Variants in TENM2 observed in about 807,000 individuals in gnomAD.
The protein encoded by TENM2 is teneurin transmembrane protein 2, also known as teneurin-2.
TENM2 carries 52 observed loss-of-function variants against 245.2 expected under a neutral mutation model. That is an observed-to-expected ratio of 0.21 (90% CI 0.17 to 0.27). TENM2 has a LOEUF of 0.27. Ranked by LOEUF, TENM2 falls within the 10% of genes least tolerant of loss-of-function variation. TENM2 has a pLI of 1.00. For missense variants in TENM2, 3,046 were observed against 3,666.8 expected (o/e 0.83, Z 4.37); for synonymous variants, 1,363 against 1,438.9 (o/e 0.95, Z 1.19).
chr5:168,188,415 G>A (rs529638385), intron 13 of TENM2, among the ~76,000 whole-genome samples: 1 of 152,206 alleles, frequency 6.6e-6, no homozygotes, highest in African/African-American at 2.4e-5. Flanking sequence ...TCCCAGCCGA[G>A]TGAATAAGGA....
At chr5:167,510,417 G>C (rs766638052) in intron 2 of TENM2, among the ~76,000 whole-genome samples, 1 of 152,198 alleles carries the variant, frequency 6.6e-6, no homozygotes. Context: ...GCACCCATTT[G>C]TAGAGCTCAC....
the TENM2 span, among the ~76,000 whole-genome samples, chr5:167,112,089 A>C: frequency 2.0e-5 from 3 of 152,170 alleles, no homozygotes; most frequent in Admixed American, 2.0e-4. Flanking sequence ...TTGACAGTGA[A>C]CTTGCAGGGC....
intron 3 of TENM2, among the ~76,000 whole-genome samples, chr5:167,900,745 C>T (rs534554462): frequency 5.3e-5 from 8 of 151,688 alleles, no homozygotes; most frequent in Non-Finnish European, 1.2e-4. Context: ...GAAAGACTGT[C>T]TGAAATAGGT....
At chr5:167,871,322 G>C (rs1772807284) in intron 2 of TENM2, among the ~76,000 whole-genome samples, 1 of 152,154 alleles carries the variant, frequency 6.6e-6, no homozygotes, top group East Asian at 1.9e-4. Context: ...GCCAAATCCA[G>C]GGCTTCCTCA....
At chr5:167,293,258 A>T (rs764618193) in intron 1 of TENM2, among the ~76,000 whole-genome samples, 29 of 152,058 alleles carry the variant, frequency 1.9e-4, no homozygotes, top group African/African-American at 3.1e-4. Flanking sequence ...CTGGAGTGCA[A>T]TGGTGCAATC....
the TENM2 span, among the ~76,000 whole-genome samples, chr5:167,112,731 C>T: frequency 1.3e-3 from 202 of 152,282 alleles, 1 homozygote; most frequent in Middle Eastern, 6.8e-3. Context: ...TTGAATCTCA[C>T]GAATTGACAG....
At chr5:167,599,893 T>G (rs1776488054) in intron 2 of TENM2, among the ~76,000 whole-genome samples, 1 of 151,726 alleles carries the variant, frequency 6.6e-6, no homozygotes, top group Non-Finnish European at 1.5e-5. Flanking sequence ...ACACCTGCAG[T>G]CTCCCACTTT....
At chr5:168,258,264 G>A (rs139756433) in intron 27 of TENM2, among the ~76,000 whole-genome samples, 2,868 of 152,242 alleles carry the variant, frequency 0.019, 85 homozygotes, top group African/African-American at 0.064. Context: ...CACTTTGGGA[G>A]GCCGAGGCGG....
At chr5:167,170,130 T>G in the TENM2 span, among the ~76,000 whole-genome samples, 1,106 of 152,350 alleles carry the variant, frequency 7.3e-3, 15 homozygotes, top group African/African-American at 0.024. Flanking sequence ...TATGTCTTCT[T>G]TCTAGAGAAT....
chr5:168,039,236 C>T (rs1401802868), intron 5 of TENM2, among the ~76,000 whole-genome samples: 1 of 152,174 alleles, frequency 6.6e-6, no homozygotes, highest in Non-Finnish European at 1.5e-5. Context: ...GTGCCACGTG[C>T]AGCCTGCGTC....
At chr5:168,006,978 C>G (rs1042634958) in intron 5 of TENM2, among the ~76,000 whole-genome samples, 5 of 152,132 alleles carry the variant, frequency 3.3e-5, no homozygotes, top group Non-Finnish European at 4.4e-5. Context: ...TTTATTTTTA[C>G]TCACCTCTGC....
At chr5:167,206,136 A>G in the TENM2 span, among the ~76,000 whole-genome samples, 1 of 152,186 alleles carries the variant, frequency 6.6e-6, no homozygotes, top group Non-Finnish European at 1.5e-5. Context: ...AATCTTGCTT[A>G]CCACAGATCC....
In TENM2 at chr5:167,508,477, A is replaced by C. The variant is rs543462204; in HGVS notation, c.502+133004A>C. Among the ~76,000 whole-genome samples, 37 of 152,314 alleles carry C rather than the reference A, an allele frequency of 2.4e-4. No individual in the cohort carries two copies. In the South Asian group the frequency reaches 7.0e-3, roughly 29 times the overall value. On this transcript the variant is annotated intron_variant, in intron 2 of 28. Transcript: ENST00000518659. ...CAATTAAATTATAAACCAGATCCTG[A>C]TGGCTCCACATATTCACAGTCTTTG...
intron 7 of TENM2, among the ~76,000 whole-genome samples, chr5:168,078,252 T>C (rs1469160678): frequency 6.6e-6 from 1 of 152,222 alleles, no homozygotes; most frequent in Non-Finnish European, 1.5e-5. Flanking sequence ...GTTCATATCC[T>C]TTGCCCACTT....
the TENM2 span, among the ~76,000 whole-genome samples, chr5:167,186,276 T>C: frequency 1.5e-3 from 221 of 152,258 alleles, 3 homozygotes; most frequent in East Asian, 0.038. Context: ...AGATCAGGCA[T>C]AAATTAATAT....
chr5:167,011,081 A>G, the TENM2 span, among the ~76,000 whole-genome samples: 2 of 152,198 alleles, frequency 1.3e-5, no homozygotes, highest in Non-Finnish European at 2.9e-5. Flanking sequence ...CTTTATCTGG[A>G]GTTTAGGACA....
At chr5:167,412,699 CAG>C (rs972702593) in intron 2 of TENM2, among the ~76,000 whole-genome samples, 6 of 152,052 alleles carry the variant, frequency 3.9e-5, no homozygotes, top group African/African-American at 1.4e-4. Context: ...TTTGAAAAAA[CAG>C]TGGCTGTTGC....
At chr5:167,643,323 G>C (rs926721436) in intron 2 of TENM2, among the ~76,000 whole-genome samples, 1 of 152,012 alleles carries the variant, frequency 6.6e-6, no homozygotes, top group Non-Finnish European at 1.5e-5. Flanking sequence ...TAAATTTGCC[G>C]TTTCTGGAAT....
At chr5:167,278,777 C>A in the TENM2 span, among the ~76,000 whole-genome samples, 7 of 152,090 alleles carry the variant, frequency 4.6e-5, no homozygotes, top group Admixed American at 4.6e-4. Flanking sequence ...AATCATATCC[C>A]AGAGTGTTTT....
Sources: gnomAD v4.1 joint callset for allele counts (sites outside exome capture counted in the v4.1 genomes callset) on GRCh38, gnomAD v4.1.1 for gene constraint, MANE v1.5 for transcripts, NCBI Gene and HGNC (gene_info 2026-07-23, HGNC 2026-07-21) for gene names.